Variants in ZNF529 observed in about 807,000 individuals in gnomAD.
The protein encoded by ZNF529 is zinc finger protein 529.
In ZNF529, 11 loss-of-function variants were observed where a neutral mutation model predicts 10.1. The observed-to-expected ratio is 1.09, with a 90% CI of 0.69 to 1.81. The LOEUF (loss-of-function observed/expected upper bound fraction) is 1.81, where lower values mean the gene tolerates loss of function less well. ZNF529 is among the 40% of genes most tolerant of loss of function. The pLI is 0.00. For synonymous variants in ZNF529, 204 were observed against 215.7 expected (o/e 0.95, Z 0.47); for missense variants, 624 against 666.8 (o/e 0.94, Z 0.71).
rs1184193131 is a variant in ZNF529 at position 36,545,369 on chromosome 19, A to C, written c.*1497T>G. On this transcript the variant is annotated 3_prime_UTR_variant, in exon 5 of 5. Transcript: ENST00000591340. ...ACGGAGATATCCCGTCTCTACTAAA[A>C]ATATAAAATTAGCCGGTCATGGTGG... The C allele has an allele frequency of 1.3e-5, 2 of 151,920 alleles. No individual in the cohort carries two copies. The highest frequency in any genetic ancestry group is 4.8e-5 in the African/African-American group (2 of 41,304). The allele number at this position is 151,920 out of a possible 1,614,324, so 9.4% of individuals were successfully genotyped here.
intron 1 of ZNF529, among the ~76,000 whole-genome samples, chr19:36,591,252 T>TTGCA (rs2036704300): frequency 6.7e-6 from 1 of 148,656 alleles, no homozygotes; most frequent in Non-Finnish European, 1.5e-5. Context: ...TGAGCCAAGA[T>TTGCA]TGCACCACTG....
chr19:36,598,495 G>A (rs2036875404), intron 1 of ZNF529, among the ~76,000 whole-genome samples: 1 of 151,572 alleles, frequency 6.6e-6, no homozygotes, highest in Non-Finnish European at 1.5e-5. Context: ...CTGGGTGACA[G>A]AGCAAGACCC....
rs1600232937 is a variant in ZNF529 at position 36,545,965 on chromosome 19, G to C, written c.*901C>G. 1 of 150,724 alleles carries C rather than the reference G, an allele frequency of 6.6e-6. No individual in the cohort carries two copies. The highest frequency in any genetic ancestry group is 1.9e-4 in the East Asian group (1 of 5,152). 9.3% of individuals were successfully genotyped at this position (150,724 alleles called of 1,614,324 possible). A position where few individuals can be genotyped will look rare whatever the true frequency, so the allele number is the denominator to read the frequency against. ...GTAAAAAGACTGCTTAAAGGAACTG[G>C]TTATATTCCAATATAACACACATAC... On this transcript the variant is annotated 3_prime_UTR_variant, in exon 5 of 5. Coordinates refer to ENST00000591340, the MANE Select transcript of ZNF529 (RefSeq NM_020951.5).
chr19:36,577,381 T>A (rs1293304007), upstream of ZNF529: 1 of 295,552 alleles, frequency 3.4e-6, no homozygotes, highest in Non-Finnish European at 6.7e-6. Context: ...CACCACTGTT[T>A]CCCTTCTAGT....
At position 36,547,564 on chromosome 19, in the gene ZNF529, G is replaced by T. The variant is rs369456929; in HGVS notation, c.994C>A (p.His332Asn). 1.8e-5 allele frequency: 29 copies of T among 1,613,810 alleles called. No homozygotes were observed. The highest frequency in any genetic ancestry group is 2.3e-5 in the Non-Finnish European group (27 of 1,179,876). ...HSQLTEHQRI[H>N]TGEKPYKCMH... is the part of the protein sequence containing the mutation. ...CATTTGTAGGGTTTCTCACCAGTAT[G>T]AATTCTCTGATGTTCGGTAAGCTGT... Residue 332 changes from histidine to asparagine, a missense_variant, in exon 5 of 5, where the codon CAT becomes AAT. Transcript: ENST00000591340.
At chr19:36,583,063 G>A (rs1386342828) in intron 2 of ZNF529, among the ~76,000 whole-genome samples, 3 of 151,996 alleles carry the variant, frequency 2.0e-5, no homozygotes, top group Non-Finnish European at 2.9e-5. Context: ...CTAATTGTTT[G>A]TTTGTTTGTT....
intron 2 of ZNF529, among the ~76,000 whole-genome samples, chr19:36,584,931 T>C (rs764730087): frequency 2.0e-5 from 3 of 152,064 alleles, no homozygotes; most frequent in Non-Finnish European, 2.9e-5. Flanking sequence ...CAGGGGAAAG[T>C]AGAATAAGGA....
At chr19:36,568,533 A>G (rs2035982668) in intron 2 of ZNF529, among the ~76,000 whole-genome samples, 1 of 149,132 alleles carries the variant, frequency 6.7e-6, no homozygotes, top group Non-Finnish European at 1.5e-5. Flanking sequence ...GTGCAGTGGC[A>G]TGATCTCGGC....
intron 1 of ZNF529, among the ~76,000 whole-genome samples, chr19:36,600,966 T>C (rs2036914879): frequency 6.6e-6 from 1 of 152,206 alleles, no homozygotes; most frequent in African/African-American, 2.4e-5. Context: ...GAGCCATAGT[T>C]TGCAAACCCC....
upstream of ZNF529, among the ~76,000 whole-genome samples, chr19:36,574,332 G>A (rs978469189): frequency 6.6e-6 from 1 of 152,170 alleles, no homozygotes; most frequent in African/African-American, 2.4e-5. Context: ...GTAAGACTTA[G>A]GAATGTCTCC....
At position 36,572,334 on chromosome 19, in the gene ZNF529, T is replaced by C. The variant is rs1442854269; in HGVS notation, c.13A>G (p.Ser5Gly). The change falls in exon 2 of 5, where the codon AGT (serine) becomes GGT (glycine). Residue 5 changes from serine to glycine, a missense_variant and splice_region_variant. Physicochemically the swap from Ser to Gly is moderately conservative, Grantham distance 56 (BLOSUM62 0). Coordinates refer to ENST00000591340, the MANE Select transcript of ZNF529 (RefSeq NM_020951.5). ...AAATGAACAAAAAAAAAAACTAACCTTGAGTTGGCCATTAGTACCAATGCT... is the reference window on the plus strand; with the variant it reads ...AAATGAACAAAAAAAAAAACTAACCCTGAGTTGGCCATTAGTACCAATGCT... MANS[S>G]FIGDHVHGAP... is the part of the protein sequence containing the mutation. 5.8e-6 allele frequency: 9 copies of C among 1,548,352 alleles called. No individual in the cohort carries two copies. Among genetic ancestry groups the C allele is most frequent in the Non-Finnish European group, 7.9e-6 (9 of 1,146,146 alleles).
intron 2 of ZNF529, among the ~76,000 whole-genome samples, chr19:36,567,624 T>C (rs1423716208): frequency 6.6e-6 from 1 of 152,060 alleles, no homozygotes; most frequent in African/African-American, 2.4e-5. Context: ...GTATTTTTAG[T>C]AGGAGACGGG....
intron 2 of ZNF529, among the ~76,000 whole-genome samples, chr19:36,567,341 T>G (rs986227665): frequency 4.6e-5 from 7 of 152,078 alleles, no homozygotes; most frequent in Admixed American, 2.0e-4. Context: ...ATAAAAAAAG[T>G]AACTGAAAAC....
chr19:36,597,873 A>C (rs2036864578), intron 1 of ZNF529, among the ~76,000 whole-genome samples: 1 of 152,214 alleles, frequency 6.6e-6, no homozygotes, highest in Non-Finnish European at 1.5e-5. Flanking sequence ...GGAGAGGTAC[A>C]TGAAGGAAAT....
chr19:36,573,191 G>A lies in ZNF529; in HGVS notation c.-98C>T. 3.1e-6 allele frequency: 1 copy of A among 322,890 alleles called. No homozygotes were observed. The highest frequency in any genetic ancestry group is 6.3e-6 in the Non-Finnish European group (1 of 159,110). 20.0% of individuals were successfully genotyped at this position (322,890 alleles called of 1,614,324 possible). A position where few individuals can be genotyped will look rare whatever the true frequency, so the allele number is the denominator to read the frequency against. On this transcript the variant is annotated 5_prime_UTR_variant, in exon 1 of 5. It adds an upstream start codon to the 5' untranslated region. Transcript: ENST00000591340. ...AGAGGCCTCAGGCTCCCGGCTCCAC[G>A]TGGACCGACCTCGCCCGGCAGCGCG...
At position 36,548,064 on chromosome 19, in the gene ZNF529, T is replaced by G; in HGVS notation, c.494A>C (p.His165Pro). The G allele has an allele frequency of 6.2e-7, 1 of 1,613,900 alleles. No homozygotes were observed. Among genetic ancestry groups the G allele is most frequent in the Non-Finnish European group, 8.5e-7 (1 of 1,179,824 alleles). Residue 165 changes from histidine (H) to proline (P), a missense_variant, in exon 5 of 5, where the codon CAT becomes CCT. His to Pro is a moderately conservative substitution (Grantham distance 77). Coordinates refer to ENST00000591340, the MANE Select transcript of ZNF529 (RefSeq NM_020951.5). Reference sequence around the variant, plus strand: ...GTATTCATAGGGCTTCTCACTGTCATGAGTTCTCCGAGGTAAAGTAAGAGA... The same window carrying G: ...GTATTCATAGGGCTTCTCACTGTCAGGAGTTCTCCGAGGTAAAGTAAGAGA... ...HESLTLPRRTHDSEKPYEYKE... is the reference protein window; with the variant it reads ...HESLTLPRRTPDSEKPYEYKE...
At chr19:36,573,427 C>G (rs1325629476), upstream of ZNF529, 1 of 470,708 alleles carries the variant, frequency 2.1e-6, no homozygotes, top group South Asian at 1.5e-5. Context: ...CGCCCCAGAC[C>G]CTGGAGTTTC....
intron 1 of ZNF529, among the ~76,000 whole-genome samples, chr19:36,603,467 C>T (rs906897874): frequency 1.7e-4 from 26 of 152,122 alleles, no homozygotes; most frequent in African/African-American, 5.8e-4. Context: ...TGAAGTTATT[C>T]CACATCCTGA....
At chr19:36,572,867 G>T (rs2036185177) in intron 1 of ZNF529, among the ~76,000 whole-genome samples, 1 of 151,360 alleles carries the variant, frequency 6.6e-6, no homozygotes, top group Non-Finnish European at 1.5e-5. Flanking sequence ...GAAAAATGAC[G>T]CTTTACCCAA....
Sources: gnomAD v4.1 joint callset for allele counts (sites outside exome capture counted in the v4.1 genomes callset) on GRCh38, gnomAD v4.1.1 for gene constraint, MANE v1.5 for transcripts, NCBI Gene and HGNC (gene_info 2026-07-23, HGNC 2026-07-21) for gene names.